Variants in EPHA6 observed in about 807,000 individuals in gnomAD.
The protein encoded by EPHA6 is EPH receptor A6.
A neutral mutation model predicts 112.0 loss-of-function variants in EPHA6; 50 were observed. The observed-to-expected ratio is 0.45, with a 90% CI of 0.36 to 0.56. The LOEUF is 0.56. Among genes scored for constraint, EPHA6 ranks in the 20% least tolerant of loss-of-function variants. EPHA6 has a pLI of 0.00. For missense variants in EPHA6, 1,280 were observed against 1,417.4 expected, an observed-to-expected ratio of 0.90 and a Z score of 1.56; for synonymous variants, 529 against 490.7, an observed-to-expected ratio of 1.08 and a Z score of -1.03.
intron 14 of EPHA6, among the ~76,000 whole-genome samples, chr3:97,687,717 G>T (rs1294125794): frequency 6.6e-6 from 1 of 152,114 alleles, no homozygotes; most frequent in Non-Finnish European, 1.5e-5. Flanking sequence ...TGCATAACAG[G>T]CCACCTCCCA....
intron 2 of EPHA6, among the ~76,000 whole-genome samples, chr3:96,916,272 C>T (rs929340706): frequency 3.9e-5 from 6 of 152,082 alleles, no homozygotes; most frequent in Non-Finnish European, 8.8e-5. Context: ...GTTGTAAATA[C>T]ATGTCTAACT....
At chr3:97,188,031 A>G (rs1167051889) in intron 3 of EPHA6, among the ~76,000 whole-genome samples, 4 of 152,168 alleles carry the variant, frequency 2.6e-5, no homozygotes, top group African/African-American at 9.6e-5. Flanking sequence ...TCTGCTGTTG[A>G]AACTATAAAT....
In EPHA6 at chr3:97,130,906, A is replaced by G. The variant is rs545154335; in HGVS notation, c.1115-95358A>G. Among the ~76,000 whole-genome samples, 4 of 152,234 alleles carry G rather than the reference A, an allele frequency of 2.6e-5. No individual in the cohort carries two copies. In the South Asian group the frequency reaches 8.3e-4, roughly 32 times the overall value. On this transcript the variant is annotated intron_variant, in intron 3 of 17. Transcript: ENST00000389672. Reference sequence around the variant, plus strand: ...GAGCTAAATTTGTATTTTGGATGATATGTTCGTGAAGAAATTATTATAATT... The same window carrying G: ...GAGCTAAATTTGTATTTTGGATGATGTGTTCGTGAAGAAATTATTATAATT...
intron 2 of EPHA6, among the ~76,000 whole-genome samples, chr3:96,920,863 G>T (rs1261531045): frequency 6.6e-6 from 1 of 151,888 alleles, no homozygotes; most frequent in Non-Finnish European, 1.5e-5. Context: ...GAAATAATTT[G>T]TTCTAGTTTT....
At chr3:97,740,580 C>T (rs2035459511) in intron 16 of EPHA6, among the ~76,000 whole-genome samples, 2 of 152,232 alleles carry the variant, frequency 1.3e-5, no homozygotes, top group South Asian at 4.1e-4. Flanking sequence ...TATCTTGTAA[C>T]TTTAAAGCAC....
rs574657496 is a variant in EPHA6, at chr3:97,752,848, C to A, written c.*4147C>A. Among the ~76,000 whole-genome samples, 1 of 151,882 alleles carries A rather than the reference C, an allele frequency of 6.6e-6. No individual in the cohort carries two copies. The highest frequency in any genetic ancestry group is 1.9e-4 in the East Asian group (1 of 5,188). On this transcript the variant is annotated 3_prime_UTR_variant, in exon 18 of 18. Transcript: ENST00000389672. ...TTATTATAAACTCACAGTTGGTGTCCATGTCTCTATATATCAAAGAGATTT... is the reference window on the plus strand; with the variant it reads ...TTATTATAAACTCACAGTTGGTGTCAATGTCTCTATATATCAAAGAGATTT...
chr3:97,089,625 G>T (rs1198267906), intron 3 of EPHA6, among the ~76,000 whole-genome samples: 2 of 152,034 alleles, frequency 1.3e-5, no homozygotes, highest in Admixed American at 1.3e-4. Context: ...AAATCAAAAC[G>T]ATCTATGCCT....
rs10612575 is a variant in EPHA6, at chr3:96,954,773, C to CTTTT, written c.451-32529_451-32526dup. Reference sequence around the variant, plus strand: ...TAGTCTTAAATTTTTACTGGTGTGCCTTTTTTTTTTTTTTTTTTTTTTTTT... The same window carrying CTTTT: ...TAGTCTTAAATTTTTACTGGTGTGCCTTTTTTTTTTTTTTTTTTTTTTTTTTTTT... On this transcript the variant is annotated intron_variant, in intron 2 of 17. Transcript: ENST00000389672. Among the ~76,000 whole-genome samples the CTTTT allele has an allele frequency of 2.7e-3, 199 of 72,696 alleles. 26 individuals carry two copies. Among genetic ancestry groups the CTTTT allele is most frequent in the African/African-American group, 8.4e-3 (152 of 18,172 alleles). 47.7% of individuals were successfully genotyped at this position (72,696 alleles called of 152,430 possible).
At chr3:97,075,125 A>G (rs2046475364) in intron 3 of EPHA6, among the ~76,000 whole-genome samples, 1 of 151,990 alleles carries the variant, frequency 6.6e-6, no homozygotes, top group Non-Finnish European at 1.5e-5. Flanking sequence ...AGTAGAGGAA[A>G]AAAGGGAATG....
chr3:97,679,532 A>G (rs2031689153), intron 14 of EPHA6, among the ~76,000 whole-genome samples: 1 of 152,210 alleles, frequency 6.6e-6, no homozygotes, highest in Non-Finnish European at 1.5e-5. Flanking sequence ...GTACTATAAT[A>G]TGGCACATGC....
At chr3:97,314,045 T>C (rs1442779427) in intron 5 of EPHA6, among the ~76,000 whole-genome samples, 1 of 151,620 alleles carries the variant, frequency 6.6e-6, no homozygotes, top group African/African-American at 2.4e-5. Flanking sequence ...CCAGTTTGAG[T>C]TGAGTTTTTA....
intron 2 of EPHA6, among the ~76,000 whole-genome samples, chr3:96,888,066 T>G (rs1176112784): frequency 1.3e-5 from 2 of 151,708 alleles, no homozygotes; most frequent in Non-Finnish European, 2.9e-5. Context: ...ACCTGTGGAG[T>G]CTGCACACCG....
intron 3 of EPHA6, among the ~76,000 whole-genome samples, chr3:97,000,506 T>C (rs2043613931): frequency 6.6e-6 from 1 of 151,832 alleles, no homozygotes; most frequent in Non-Finnish European, 1.5e-5. Context: ...TTGCTTGTTG[T>C]TGAGGGCTTT....
chr3:97,416,574 T>G (rs1255579172), intron 6 of EPHA6, among the ~76,000 whole-genome samples: 1 of 152,060 alleles, frequency 6.6e-6, no homozygotes, highest in South Asian at 2.1e-4. Flanking sequence ...GGCTTGAATA[T>G]AGTAAGGAAG....
At position 97,405,160 on chromosome 3, in the gene EPHA6, G is replaced by T; in HGVS notation, c.1617G>T (p.Leu539=). The change falls in exon 6 of 18, where the codon CTG becomes CTT. Residue 539 remains leucine, a synonymous_variant. Transcript: ENST00000389672. ...TTTCTTTCCTTTCAGCACCTTCCCT[G>T]ATAGGTGTGGTAAGGAAGGACTGGG... ...TVTTDQDAPS[L]IGVVRKDWAS... The T allele has an allele frequency of 6.3e-7, 1 of 1,597,810 alleles. No individual in the cohort carries two copies. Among genetic ancestry groups the T allele is most frequent in the Non-Finnish European group, 8.5e-7 (1 of 1,170,800 alleles).
intron 5 of EPHA6, among the ~76,000 whole-genome samples, chr3:97,259,137 A>G (rs1231102447): frequency 2.6e-5 from 4 of 152,182 alleles, no homozygotes; most frequent in African/African-American, 9.6e-5. Context: ...TAAAGTTTGT[A>G]TCCTTTGACT....
intron 10 of EPHA6, among the ~76,000 whole-genome samples, chr3:97,491,659 G>GCT (rs1319002195): frequency 6.7e-6 from 1 of 149,412 alleles, no homozygotes; most frequent in African/African-American, 2.5e-5. Flanking sequence ...TTGAATCTGT[G>GCT]CTGAGATGGC....
chr3:97,433,955 C>A (rs868167258), intron 6 of EPHA6, among the ~76,000 whole-genome samples: 2 of 152,106 alleles, frequency 1.3e-5, no homozygotes, highest in Non-Finnish European at 2.9e-5. Context: ...GGAGAAAATC[C>A]TTTACCACCA....
intron 2 of EPHA6, among the ~76,000 whole-genome samples, chr3:96,962,182 A>C (rs1228198107): frequency 6.6e-6 from 1 of 152,084 alleles, no homozygotes; most frequent in Non-Finnish European, 1.5e-5. Flanking sequence ...CACAGAGCTG[A>C]TGTTAGAGCA....
Sources: allele counts gnomAD v4.1 joint callset (sites outside exome capture counted in the v4.1 genomes callset), GRCh38; gene constraint gnomAD v4.1.1; transcripts MANE v1.5; gene names NCBI Gene and HGNC (gene_info 2026-07-23, HGNC 2026-07-21).